The following OLAH variants were observed in gnomAD, a reference collection of about 807,000 sequenced individuals.
The protein encoded by OLAH is oleoyl-ACP hydrolase.
A neutral mutation model predicts 27.8 loss-of-function variants in OLAH; 33 were observed. The ratio of observed to expected loss-of-function variants is 1.19; its 90% CI spans 0.90 to 1.59. The LOEUF is 1.59. Ranked by LOEUF, OLAH falls within the 40% of genes most tolerant of loss-of-function variation. The pLI is 0.00. For missense variants in OLAH, 359 were observed against 310.8 expected (o/e 1.16, Z -1.17); for synonymous variants, 120 against 102.9 (o/e 1.17, Z -1.01).
chr10:15,053,210 G>T (rs1392005793), intron 3 of OLAH, among the ~76,000 whole-genome samples: 1 of 152,092 alleles, frequency 6.6e-6, no homozygotes, highest in Admixed American at 6.6e-5. Flanking sequence ...CCCCAGCCAG[G>T]AATGTCAAGT....
At position 15,064,409 on chromosome 10, in the gene OLAH, A is replaced by T. The variant is rs776700843; in HGVS notation, c.309A>T (p.Gly103=). 1 of 1,585,546 alleles carries T rather than the reference A, an allele frequency of 6.3e-7. No homozygotes were observed. Among genetic ancestry groups the T allele is most frequent in the East Asian group, 2.3e-5 (1 of 43,862 alleles). Residue 103 remains glycine (G), a synonymous_variant, in exon 5 of 8, where the codon GGA becomes GGT. Transcript: ENST00000378228. ...TTTTCTTTGCTGAATTTAGTATGGG[A>T]TCCTACATTGCTTTTAGGACTGCAC... ...KPFAFFGHSM[G]SYIAFRTALG... is the part of the protein sequence containing the mutation.
At chr10:15,068,811 G>A (rs1190836671) in intron 6 of OLAH, among the ~76,000 whole-genome samples, 1 of 152,200 alleles carries the variant, frequency 6.6e-6, no homozygotes, top group East Asian at 1.9e-4. Flanking sequence ...GTTAGTGTGG[G>A]GAATTGAGTT....
At chr10:15,044,111 A>G (rs1207780126) in intron 1 of OLAH, 125 bp downstream of exon 1, 1 of 152,196 alleles carries the variant, frequency 6.6e-6, no homozygotes, top group African/African-American at 2.4e-5. Flanking sequence ...CTTTGTAACT[A>G]GAGAATTTAG....
chr10:15,046,181 A>T (rs1468407563), intron 1 of OLAH, among the ~76,000 whole-genome samples: 1 of 151,976 alleles, frequency 6.6e-6, no homozygotes, highest in Admixed American at 6.6e-5. Flanking sequence ...CCCTGTCTTT[A>T]CTAAAAATAC....
intron 1 of OLAH, among the ~76,000 whole-genome samples, chr10:15,032,892 T>G (rs905155294): frequency 4.6e-5 from 7 of 152,112 alleles, no homozygotes; most frequent in Non-Finnish European, 7.3e-5. Flanking sequence ...TTTCTTTTTT[T>G]TAGACAGTCT....
rs1844384366 is a variant in OLAH at position 15,062,339 on chromosome 10, A to G, written c.302+477A>G. On this transcript the variant is annotated intron_variant, in intron 4 of 7. Coordinates refer to ENST00000378228, the MANE Select transcript of OLAH (RefSeq NM_001039702.3). ...ATAGTGATCTTAAATAAATTGGTAT[A>G]TAGTAAGGAATCAATAAATTTTGGC... is the stretch of plus-strand genomic sequence containing the variant. 2.0e-5 allele frequency among the ~76,000 whole-genome samples: 3 copies of G among 152,252 alleles called. No homozygotes were observed. The South Asian group carries it at 6.2e-4, about 32-fold the overall frequency.
At chr10:15,038,147 T>C (rs1378361624) in intron 1 of OLAH, among the ~76,000 whole-genome samples, 2 of 152,226 alleles carry the variant, frequency 1.3e-5, no homozygotes, top group Non-Finnish European at 2.9e-5. Flanking sequence ...TGTAGCCCCT[T>C]TGTTTTGGCC....
intron 3 of OLAH, among the ~76,000 whole-genome samples, chr10:15,060,538 TAGTC>T (rs1297954343): frequency 1.3e-5 from 2 of 152,038 alleles, no homozygotes; most frequent in African/African-American, 4.8e-5. Context: ...TCTTGGTATC[TAGTC>T]TGCTGTTAAT....
At chr10:15,064,316 T>A (rs2131371814) in intron 4 of OLAH, 87 bp from the exon 5 acceptor site, 7 of 735,028 alleles carry the variant, frequency 9.5e-6, no homozygotes, top group Non-Finnish European at 1.7e-5. Flanking sequence ...CATTGTTGTG[T>A]TTATGATACT....
chr10:15,032,652 A>G (rs1480223389), intron 1 of OLAH, among the ~76,000 whole-genome samples: 2 of 150,688 alleles, frequency 1.3e-5, no homozygotes, highest in South Asian at 4.2e-4. Context: ...AAAACATCGC[A>G]CAGGGAATTC....
chr10:15,039,047 AC>A (rs1284221325), upstream of OLAH, among the ~76,000 whole-genome samples: 1 of 151,700 alleles, frequency 6.6e-6, no homozygotes, highest in Non-Finnish European at 1.5e-5. Flanking sequence ...ACATAGAGAG[AC>A]CCCCATCTCC....
intron 1 of OLAH, among the ~76,000 whole-genome samples, chr10:15,035,797 T>A (rs1843832935): frequency 6.6e-6 from 1 of 152,138 alleles, no homozygotes; most frequent in African/African-American, 2.4e-5. Flanking sequence ...GGGCAAATGG[T>A]GTGCCATTTC....
At chr10:15,070,425 A>G (rs1844560835) in intron 6 of OLAH, among the ~76,000 whole-genome samples, 1 of 151,978 alleles carries the variant, frequency 6.6e-6, no homozygotes. Flanking sequence ...TTATACCTTA[A>G]TTTGTCCCAA....
At chr10:15,070,184 G>A (rs1844555741) in intron 6 of OLAH, among the ~76,000 whole-genome samples, 1 of 150,606 alleles carries the variant, frequency 6.6e-6, no homozygotes, top group African/African-American at 2.4e-5. Context: ...AGGATGGAGT[G>A]TGGGGTGCTG....
chr10:15,068,435 C>T (rs923486233), intron 6 of OLAH, among the ~76,000 whole-genome samples: 4 of 152,110 alleles, frequency 2.6e-5, no homozygotes, highest in Non-Finnish European at 4.4e-5. Context: ...TCTTATTGCC[C>T]AGGCTCGAGT....
chr10:15,064,324 A>G (rs866528144), intron 4 of OLAH, 79 bp from the exon 5 acceptor site: 3 of 775,116 alleles, frequency 3.9e-6, no homozygotes, highest in Middle Eastern at 4.5e-4. Context: ...TGTTTATGAT[A>G]CTGTTCCTTT....
At chr10:15,056,637 CTTTCT>C (rs1177792453) in intron 3 of OLAH, among the ~76,000 whole-genome samples, 1 of 148,888 alleles carries the variant, frequency 6.7e-6, no homozygotes, top group East Asian at 2.0e-4. Context: ...CTTCCTTTTT[CTTTCT>C]TTTCTTTTAA....
chr10:15,044,168 C>T (rs965722596), intron 1 of OLAH, among the ~76,000 whole-genome samples, 182 bp downstream of exon 1: 4 of 152,058 alleles, frequency 2.6e-5, no homozygotes, highest in African/African-American at 9.7e-5. Flanking sequence ...CTTAATCTGT[C>T]ATCTTGTATT....
intron 2 of OLAH, among the ~76,000 whole-genome samples, chr10:15,049,189 A>G (rs985936599): frequency 8.4e-5 from 12 of 142,302 alleles, no homozygotes; most frequent in African/African-American, 3.2e-4. Context: ...ACTGGAATTC[A>G]GTGGTGCAGT....
Sources: allele counts gnomAD v4.1 joint callset (sites outside exome capture counted in the v4.1 genomes callset), GRCh38; gene constraint gnomAD v4.1.1; transcripts MANE v1.5; gene names NCBI Gene and HGNC (gene_info 2026-07-23, HGNC 2026-07-21).